PTPRD: variants seen among roughly 807,000 people sequenced by gnomAD.
PTPRD encodes receptor-type tyrosine-protein phosphatase delta.
PTPRD carries 34 observed loss-of-function variants against 214.5 expected under a neutral mutation model. The ratio of observed to expected loss-of-function variants is 0.16; its 90% CI spans 0.12 to 0.21. The LOEUF (loss-of-function observed/expected upper bound fraction) is 0.21, where lower values mean the gene tolerates loss of function less well. PTPRD is among the 10% of genes least tolerant of loss of function. PTPRD has a pLI of 1.00. For synonymous variants in PTPRD, 1,128 were observed against 845.7 expected (o/e 1.33, Z -5.79); for missense variants, 2,545 against 2,398.7 (o/e 1.06, Z -1.27).
intron 11 of PTPRD, among the ~76,000 whole-genome samples, chr9:9,017,616 G>A (rs1285674810): frequency 6.6e-6 from 1 of 152,100 alleles, no homozygotes; most frequent in East Asian, 1.9e-4. Context: ...TAGAACACTA[G>A]TAAGGAAACT....
At chr9:9,119,895 G>A (rs898140801) in intron 10 of PTPRD, among the ~76,000 whole-genome samples, 1 of 151,612 alleles carries the variant, frequency 6.6e-6, no homozygotes, top group African/African-American at 2.4e-5. Flanking sequence ...ATTGTACTTG[G>A]GAGATGGACA....
chr9:9,364,039 A>G (rs2057127625), intron 9 of PTPRD, among the ~76,000 whole-genome samples: 1 of 151,402 alleles, frequency 6.6e-6, no homozygotes, highest in Non-Finnish European at 1.5e-5. Context: ...TAACTTCTAT[A>G]ATACTTTACA....
chr9:9,949,892 C>T (rs534327848), intron 4 of PTPRD, among the ~76,000 whole-genome samples: 20 of 152,234 alleles, frequency 1.3e-4, no homozygotes, highest in Middle Eastern at 6.8e-3. Flanking sequence ...AATCATGGCT[C>T]TTCTGAAGCC....
chr9:8,351,537 C>G (rs2075448279), intron 39 of PTPRD, among the ~76,000 whole-genome samples: 1 of 151,586 alleles, frequency 6.6e-6, no homozygotes, highest in African/African-American at 2.4e-5. Context: ...TCCAAAGACA[C>G]AGAGAGAAAA....
intron 9 of PTPRD, among the ~76,000 whole-genome samples, chr9:9,376,651 T>A (rs1187315143): frequency 3.3e-5 from 5 of 152,028 alleles, no homozygotes; most frequent in Non-Finnish European, 7.4e-5. Context: ...GTCTTGAAAA[T>A]GAATCCAGTC....
At chr9:9,438,912 G>A (rs1017859331) in intron 8 of PTPRD, among the ~76,000 whole-genome samples, 3 of 152,044 alleles carry the variant, frequency 2.0e-5, no homozygotes, top group East Asian at 1.9e-4. Flanking sequence ...AAATGGGAAC[G>A]CTCTAGGACA....
chr9:9,328,205 A>G (rs541699248), intron 9 of PTPRD, among the ~76,000 whole-genome samples: 43 of 152,294 alleles, frequency 2.8e-4, no homozygotes, highest in African/African-American at 1.0e-3. Context: ...TTAATATTCT[A>G]TTTACCGGAG....
chr9:9,949,395 G>T (rs918445746), intron 4 of PTPRD, among the ~76,000 whole-genome samples: 1 of 152,032 alleles, frequency 6.6e-6, no homozygotes, highest in Non-Finnish European at 1.5e-5. Context: ...ATTCTATGAT[G>T]TTTTTTATTT....
At chr9:8,992,110 C>G (rs144523754) in intron 11 of PTPRD, among the ~76,000 whole-genome samples, 10 of 151,986 alleles carry the variant, frequency 6.6e-5, no homozygotes, top group Admixed American at 4.6e-4. Context: ...CAAACAAGGA[C>G]TCTGATGTCT....
chr9:10,496,640 T>C (rs2042118606), intron 2 of PTPRD, among the ~76,000 whole-genome samples: 1 of 152,020 alleles, frequency 6.6e-6, no homozygotes, highest in African/African-American at 2.4e-5. Flanking sequence ...TTTTGAATAA[T>C]AGCCATTCTG....
At chr9:8,580,499 T>C (rs1019818993) in intron 14 of PTPRD, among the ~76,000 whole-genome samples, 1 of 152,222 alleles carries the variant, frequency 6.6e-6, no homozygotes, top group African/African-American at 2.4e-5. Flanking sequence ...ATGGACTTTT[T>C]ATTTTTGAAA....
intron 8 of PTPRD, among the ~76,000 whole-genome samples, chr9:9,485,743 T>A (rs2095601751): frequency 6.6e-6 from 1 of 152,202 alleles, no homozygotes; most frequent in South Asian, 2.1e-4. Context: ...ACACTGAACC[T>A]ATCTGATCCC....
chr9:10,202,083 T>C (rs2099428458), intron 3 of PTPRD, among the ~76,000 whole-genome samples: 1 of 152,056 alleles, frequency 6.6e-6, no homozygotes, highest in Non-Finnish European at 1.5e-5. Flanking sequence ...AGAGGCTGTT[T>C]AGGCTGAGAA....
chr9:8,793,249 T>G (rs570568892), intron 11 of PTPRD, among the ~76,000 whole-genome samples: 1 of 151,176 alleles, frequency 6.6e-6, no homozygotes, highest in Non-Finnish European at 1.5e-5. Flanking sequence ...TTACTCTCTC[T>G]TCCTTTGATC....
intron 3 of PTPRD, among the ~76,000 whole-genome samples, chr9:10,035,280 TG>T (rs1286960990): frequency 6.6e-6 from 1 of 151,814 alleles, no homozygotes; most frequent in African/African-American, 2.4e-5. Context: ...CACTTTTTAA[TG>T]GGGTATTTTT....
chr9:9,448,553 A>G (rs577681264), intron 8 of PTPRD, among the ~76,000 whole-genome samples: 45 of 152,200 alleles, frequency 3.0e-4, no homozygotes, highest in South Asian at 1.2e-3. Flanking sequence ...CTGTGAGCCA[A>G]TTAAACTTCT....
At chr9:10,167,475 T>C (rs2099166380) in intron 3 of PTPRD, among the ~76,000 whole-genome samples, 1 of 152,150 alleles carries the variant, frequency 6.6e-6, no homozygotes, top group African/African-American at 2.4e-5. Context: ...GTACAGGAGA[T>C]CCACAGTCCT....
At chr9:10,411,471 C>G (rs930648313) in intron 2 of PTPRD, among the ~76,000 whole-genome samples, 3 of 151,762 alleles carry the variant, frequency 2.0e-5, no homozygotes, top group Non-Finnish European at 4.4e-5. Context: ...ATTGTTGACT[C>G]TGCACTTCTG....
chr9:8,815,594 A>T (rs1000386094), intron 11 of PTPRD, among the ~76,000 whole-genome samples: 1 of 152,192 alleles, frequency 6.6e-6, no homozygotes, highest in Non-Finnish European at 1.5e-5. Context: ...GTCACTAATC[A>T]TGGGGTCAAA....
Sources: allele counts gnomAD v4.1 joint callset (sites outside exome capture counted in the v4.1 genomes callset), GRCh38; gene constraint gnomAD v4.1.1; transcripts MANE v1.5; gene names NCBI Gene and HGNC (gene_info 2026-07-23, HGNC 2026-07-21).